Variants in SPRR2G observed in about 807,000 individuals in gnomAD.
SPRR2G encodes small proline rich protein 2G.
In SPRR2G, 1 loss-of-function variant was observed where a neutral mutation model predicts 0.7. The ratio of observed to expected loss-of-function variants is 1.49; its 90% CI spans 0.53 to 7.06. The LOEUF (loss-of-function observed/expected upper bound fraction) is 7.06. Ranked by LOEUF, SPRR2G falls within the 30% of genes most tolerant of loss-of-function variation. SPRR2G has a pLI of 0.14. For missense variants in SPRR2G, 96 were observed against 88.5 expected, an observed-to-expected ratio of 1.09 and a Z score of -0.34; for synonymous variants, 38 against 33.9, an observed-to-expected ratio of 1.12 and a Z score of -0.42.
At chr1:153,196,228 C>T in the SPRR2G span, among the ~76,000 whole-genome samples, 5 of 152,262 alleles carry the variant, frequency 3.3e-5, no homozygotes, top group African/African-American at 1.2e-4. Context: ...TTCATCCTCC[C>T]CCTGTCCCTG....
At chr1:153,151,464 T>C (rs977194265), upstream of SPRR2G, among the ~76,000 whole-genome samples, 1 of 152,214 alleles carries the variant, frequency 6.6e-6, no homozygotes, top group Non-Finnish European at 1.5e-5. Context: ...TCTGACATGG[T>C]ATTAATGGGC....
chr1:153,194,577 G>C, the SPRR2G span, among the ~76,000 whole-genome samples: 1 of 152,158 alleles, frequency 6.6e-6, no homozygotes, highest in Non-Finnish European at 1.5e-5. Context: ...TTATGTGCAG[G>C]CTTGTGCTCC....
the SPRR2G span, among the ~76,000 whole-genome samples, chr1:153,182,028 C>A: frequency 6.6e-6 from 1 of 152,068 alleles, no homozygotes. Flanking sequence ...TATTAATTTG[C>A]ATACCCACCA....
the SPRR2G span, among the ~76,000 whole-genome samples, chr1:153,174,032 A>G: frequency 6.6e-6 from 1 of 152,342 alleles, no homozygotes; most frequent in Admixed American, 6.5e-5. Flanking sequence ...AGAAGGCCCT[A>G]TGAAAGAGTC....
the SPRR2G span, among the ~76,000 whole-genome samples, chr1:153,166,694 ATCAC>A: frequency 6.6e-6 from 1 of 152,204 alleles, no homozygotes; most frequent in African/African-American, 2.4e-5. Flanking sequence ...CATTTCATTC[ATCAC>A]TCACTCCCAT....
the SPRR2G span, among the ~76,000 whole-genome samples, chr1:153,164,573 A>G: frequency 6.6e-6 from 1 of 152,174 alleles, no homozygotes; most frequent in Non-Finnish European, 1.5e-5. Flanking sequence ...ACCAAAATCC[A>G]CAGATGCTCA....
At chr1:153,154,911 G>A (rs537121382), upstream of SPRR2G, among the ~76,000 whole-genome samples, 26 of 152,126 alleles carry the variant, frequency 1.7e-4, no homozygotes, top group Admixed American at 2.0e-4. Context: ...GTCATTCTCC[G>A]TTTTTATCTT....
At chr1:153,187,882 T>TCAAAACTAGAATAACCAG in the SPRR2G span, among the ~76,000 whole-genome samples, 9 of 152,000 alleles carry the variant, frequency 5.9e-5, no homozygotes, top group Non-Finnish European at 1.0e-4. Context: ...TTGGATGGGG[T>TCAAAACTAGAATAACCAG]TTTTGAGTGG....
chr1:153,183,212 C>T, the SPRR2G span, among the ~76,000 whole-genome samples: 1 of 136,416 alleles, frequency 7.3e-6, no homozygotes. Context: ...CCTGTAATCC[C>T]AAGTAGCTGG....
chr1:153,155,724 ACT>A (rs1418950335), upstream of SPRR2G, among the ~76,000 whole-genome samples: 1 of 152,086 alleles, frequency 6.6e-6, no homozygotes, highest in South Asian at 2.1e-4. Flanking sequence ...CATGTATCAA[ACT>A]CTGTAATTTT....
chr1:153,160,866 A>G, the SPRR2G span, among the ~76,000 whole-genome samples: 1 of 151,268 alleles, frequency 6.6e-6, no homozygotes, highest in Non-Finnish European at 1.5e-5. Flanking sequence ...GATAGACTGG[A>G]TTAAGAAAAT....
At chr1:153,160,292 T>C in the SPRR2G span, among the ~76,000 whole-genome samples, 5 of 152,352 alleles carry the variant, frequency 3.3e-5, no homozygotes, top group African/African-American at 1.2e-4. Context: ...GCCACAATTT[T>C]TCAATTCATT....
chr1:153,164,795 A>C, the SPRR2G span, among the ~76,000 whole-genome samples: 1 of 152,132 alleles, frequency 6.6e-6, no homozygotes, highest in Admixed American at 6.5e-5. Context: ...AATACATTTG[A>C]CCCACAGTTG....
At chr1:153,174,672 T>C in the SPRR2G span, 1 of 152,342 alleles carries the variant, frequency 6.6e-6, no homozygotes, top group South Asian at 2.1e-4. Context: ...GGGTTCTACC[T>C]TGGGGAGAAG....
At chr1:153,172,523 G>A in the SPRR2G span, among the ~76,000 whole-genome samples, 1 of 151,978 alleles carries the variant, frequency 6.6e-6, no homozygotes, top group African/African-American at 2.4e-5. Flanking sequence ...GATACTGTGG[G>A]AAAGGGCTTC....
chr1:153,171,954 G>A, the SPRR2G span, among the ~76,000 whole-genome samples: 5 of 151,856 alleles, frequency 3.3e-5, no homozygotes, highest in Admixed American at 6.6e-5. Flanking sequence ...CAGTATCTAC[G>A]TCTGTCCTTT....
At chr1:153,180,442 T>C in the SPRR2G span, among the ~76,000 whole-genome samples, 2 of 152,306 alleles carry the variant, frequency 1.3e-5, no homozygotes, top group East Asian at 1.9e-4. Context: ...TTTGTAGATA[T>C]AGATCGTTGA....
the SPRR2G span, among the ~76,000 whole-genome samples, chr1:153,186,609 G>A: frequency 6.6e-6 from 1 of 151,914 alleles, no homozygotes; most frequent in African/African-American, 2.4e-5. Context: ...AGTGAGATGG[G>A]TCTCCTGAAT....
At chr1:153,189,739 T>C in the SPRR2G span, among the ~76,000 whole-genome samples, 1 of 152,084 alleles carries the variant, frequency 6.6e-6, no homozygotes, top group Non-Finnish European at 1.5e-5. Flanking sequence ...AATGATCAAG[T>C]TGTAAGTCAT....
Sources: gnomAD v4.1 joint callset for allele counts (sites outside exome capture counted in the v4.1 genomes callset) on GRCh38, gnomAD v4.1.1 for gene constraint, MANE v1.5 for transcripts, NCBI Gene and HGNC (gene_info 2026-07-23, HGNC 2026-07-21) for gene names.